Variants in DARS1 observed in about 807,000 individuals in gnomAD.
The protein encoded by DARS1 is aspartate--tRNA ligase, cytoplasmic.
In DARS1, 51 loss-of-function variants were observed where a neutral mutation model predicts 68.8. The observed-to-expected ratio is 0.74, with a 90% confidence interval of 0.59 to 0.94. The LOEUF is 0.94. Ranked by LOEUF, DARS1 falls within the 40% of genes least tolerant of loss-of-function variation. The pLI is 0.00. For missense variants in DARS1, 607 were observed against 597.3 expected (o/e 1.02, Z -0.17); for synonymous variants, 203 against 190.4 (o/e 1.07, Z -0.55).
chr2:135,922,774 A>G lies in DARS1; in HGVS notation c.811+10T>C. The G allele has an allele frequency of 6.5e-7, 1 of 1,529,718 alleles. No homozygotes were observed. Among genetic ancestry groups the G allele is most frequent in the Non-Finnish European group, 8.7e-7 (1 of 1,146,166 alleles). 94.8% of individuals were successfully genotyped at this position (1,529,718 alleles called of 1,614,324 possible). A position where few individuals can be genotyped will look rare whatever the true frequency, so the allele number is the denominator to read the frequency against. Reference sequence around the variant, plus strand: ...TTAACTTGGATAAAACATAACTGCCAAAATCTTACCTGGTCCAATAGAGAA... The same window carrying G: ...TTAACTTGGATAAAACATAACTGCCGAAATCTTACCTGGTCCAATAGAGAA... On this transcript the variant is annotated intron_variant, in intron 9 of 15. Transcript: ENST00000264161.
In DARS1 at chr2:135,946,340, T is replaced by G. The variant is rs76306255; in HGVS notation, c.321-2860A>C. On this transcript the variant is annotated intron_variant, in intron 4 of 15. Coordinates refer to ENST00000264161, the MANE Select transcript of DARS1 (RefSeq NM_001349.4). ...ACCACTGCTAGCTTCTTTTCATTACTGGAATCCCACAATCTTCCTTCAGAA... is the reference window on the plus strand; with the variant it reads ...ACCACTGCTAGCTTCTTTTCATTACGGGAATCCCACAATCTTCCTTCAGAA... Among the ~76,000 whole-genome samples, 1,370 of 152,316 alleles carry G rather than the reference T, an allele frequency of 9.0e-3. 16 individuals are homozygous for G. The highest frequency in any genetic ancestry group is 0.029 in the African/African-American group (1,216 of 41,572).
chr2:135,946,463 T>C (rs1407583158), intron 4 of DARS1, among the ~76,000 whole-genome samples: 1 of 152,126 alleles, frequency 6.6e-6, no homozygotes, highest in Non-Finnish European at 1.5e-5. Flanking sequence ...AAACTCAAAT[T>C]CATTCTCATC....
intron 5 of DARS1, 141 bp from the exon 6 acceptor site, chr2:135,934,131 A>T: frequency 7.2e-7 from 1 of 1,384,498 alleles, no homozygotes; most frequent in Non-Finnish European, 9.5e-7. Context: ...AAATCAAACA[A>T]GATGATACAG....
chr2:135,970,064 A>G (rs928911839), intron 3 of DARS1, among the ~76,000 whole-genome samples: 1 of 152,178 alleles, frequency 6.6e-6, no homozygotes, highest in Non-Finnish European at 1.5e-5. Flanking sequence ...TTTGAGAACC[A>G]TACTTGGGGC....
intron 3 of DARS1, among the ~76,000 whole-genome samples, chr2:135,972,419 A>C (rs941448508): frequency 6.6e-6 from 1 of 152,244 alleles, no homozygotes; most frequent in Non-Finnish European, 1.5e-5. Flanking sequence ...ACCTTATATA[A>C]AAATCAATCA....
intron 4 of DARS1, among the ~76,000 whole-genome samples, chr2:135,954,109 C>T (rs996233359): frequency 1.3e-5 from 2 of 151,116 alleles, no homozygotes; most frequent in Admixed American, 1.3e-4. Context: ...ACTCGTAATA[C>T]CTTGGGAGCA....
rs1015733502 is a variant in DARS1 at position 135,947,902 on chromosome 2, C to T, written c.321-4422G>A. The stretch of plus-strand genomic sequence containing the variant: ...AATAGTTTCCCAAATGTCCAGGAAT[C>T]ATACTACCTTCCCCAGTAACACTGA... On this transcript the variant is annotated intron_variant, in intron 4 of 15. Transcript: ENST00000264161. 2.0e-5 allele frequency among the ~76,000 whole-genome samples: 3 copies of T among 151,628 alleles called. No homozygotes were observed. The South Asian group carries it at 6.2e-4, about 32-fold the overall frequency.
chr2:135,925,069 G>A (rs1441017903), intron 7 of DARS1, among the ~76,000 whole-genome samples: 1 of 152,050 alleles, frequency 6.6e-6, no homozygotes, highest in East Asian at 1.9e-4. Context: ...AACAATAGTA[G>A]CGCTCCAACT....
At chr2:135,932,901 A>C (rs1050313234) in intron 6 of DARS1, 59 bp from the exon 7 acceptor site, 1 of 813,546 alleles carries the variant, frequency 1.2e-6, no homozygotes, top group African/African-American at 1.7e-5. Flanking sequence ...TGAAGAGCAC[A>C]AAAAATACTT....
At chr2:135,912,691 T>G in intron 12 of DARS1, 125 bp from the exon 13 acceptor site, 1 of 441,018 alleles carries the variant, frequency 2.3e-6, no homozygotes, top group Admixed American at 4.3e-5. Flanking sequence ...GTATATACAA[T>G]GAATATCTTG....
At chr2:135,971,567 C>T (rs1682370271) in intron 3 of DARS1, among the ~76,000 whole-genome samples, 1 of 152,040 alleles carries the variant, frequency 6.6e-6, no homozygotes. Flanking sequence ...TGTTATTCAA[C>T]ATAGGACTAG....
chr2:135,963,428 A>G (rs1016098911), intron 3 of DARS1, among the ~76,000 whole-genome samples: 1 of 151,486 alleles, frequency 6.6e-6, no homozygotes, highest in Non-Finnish European at 1.5e-5. Flanking sequence ...CTGGAGTCCA[A>G]TGGCGCTACC....
intron 5 of DARS1, among the ~76,000 whole-genome samples, chr2:135,939,079 T>C (rs1681537181): frequency 1.3e-5 from 2 of 152,180 alleles, no homozygotes; most frequent in South Asian, 4.1e-4. Context: ...AACACCCCAC[T>C]GTCAACATTA....
In DARS1 at chr2:135,907,242, C is replaced by CTTTTTTTT. The variant is rs992435404; in HGVS notation, c.*66_*73dup. 3.2e-4 allele frequency: 143 copies of CTTTTTTTT among 453,704 alleles called. 7 individuals carry two copies. Among genetic ancestry groups the CTTTTTTTT allele is most frequent in the African/African-American group, 1.9e-3 (67 of 35,348 alleles). The allele number at this position is 453,704 out of a possible 1,614,324, so 28.1% of individuals were successfully genotyped here. A position where few individuals can be genotyped will look rare whatever the true frequency, so the allele number is the denominator to read the frequency against. ...TACTGAAAAGAATAAGTGTGGCTTT[C>CTTTTTTTT]TTTTTTTTTTTTTTTTTTTGAGGCA... On this transcript the variant is annotated 3_prime_UTR_variant, in exon 16 of 16. Transcript: ENST00000264161.
Position 135,920,601 on chromosome 2 carries a change from C to T in DARS1, c.812-1G>A, listed in dbSNP as rs1681093463. On this transcript the variant is annotated splice_acceptor_variant, in intron 9 of 15. Coordinates refer to ENST00000264161, the MANE Select transcript of DARS1 (RefSeq NM_001349.4). LOFTEE classifies it high-confidence loss of function. Reference sequence around the variant, plus strand: ...GTATTAGAGTCTTCCGCTCTGAATACTGTGAAGTTAATAAAAGAAATAGAG... The same window carrying T: ...GTATTAGAGTCTTCCGCTCTGAATATTGTGAAGTTAATAAAAGAAATAGAG... The T allele has an allele frequency of 6.3e-7, 1 of 1,579,346 alleles. No homozygotes were observed. Among genetic ancestry groups the T allele is most frequent in the East Asian group, 2.3e-5 (1 of 44,102 alleles).
At chr2:135,917,863 T>A (rs1681040049) in intron 10 of DARS1, among the ~76,000 whole-genome samples, 1 of 152,188 alleles carries the variant, frequency 6.6e-6, no homozygotes, top group Admixed American at 6.6e-5. Flanking sequence ...TAGCCATTGA[T>A]TTATTAAAAT....
At chr2:135,951,424 C>A (rs1418577732) in intron 4 of DARS1, among the ~76,000 whole-genome samples, 1 of 152,178 alleles carries the variant, frequency 6.6e-6, no homozygotes, top group African/African-American at 2.4e-5. Context: ...CATTATTTTC[C>A]TTACCCCCAC....
intron 3 of DARS1, among the ~76,000 whole-genome samples, chr2:135,965,966 G>A (rs547803105): frequency 1.3e-5 from 2 of 152,268 alleles, no homozygotes; most frequent in East Asian, 3.9e-4. Context: ...TCATGTATTA[G>A]GAAACAAAAT....
chr2:135,965,514 C>G (rs1026319744), intron 3 of DARS1, among the ~76,000 whole-genome samples: 6 of 152,086 alleles, frequency 3.9e-5, no homozygotes, highest in African/African-American at 1.4e-4. Context: ...CAAACAACGA[C>G]AGATTATTTA....
Sources: gnomAD v4.1 joint callset for allele counts (sites outside exome capture counted in the v4.1 genomes callset) on GRCh38, gnomAD v4.1.1 for gene constraint, MANE v1.5 for transcripts, NCBI Gene and HGNC (gene_info 2026-07-23, HGNC 2026-07-21) for gene names.